The following TMEM123 variants were observed in gnomAD, a reference collection of about 807,000 sequenced individuals.
TMEM123 encodes porimin.
A neutral mutation model predicts 19.7 loss-of-function variants in TMEM123; 16 were observed. The ratio of observed to expected loss-of-function variants is 0.81; its 90% CI spans 0.55 to 1.23. TMEM123 has a LOEUF of 1.23. Ranked by LOEUF, TMEM123 falls within the 50% of genes most tolerant of loss-of-function variation. The pLI, the probability that TMEM123 is intolerant of heterozygous loss-of-function variation, is 0.00. For synonymous variants in TMEM123, 118 were observed against 99.4 expected, an observed-to-expected ratio of 1.19 and a Z score of -1.12; for missense variants, 313 against 257.8, an observed-to-expected ratio of 1.21 and a Z score of -1.47.
Position 102,440,720 on chromosome 11 carries a change from G to T in TMEM123, c.157+8092C>A, listed in dbSNP as rs187514697. Among the ~76,000 whole-genome samples, 17 of 152,258 alleles carry T rather than the reference G, an allele frequency of 1.1e-4. 1 individual carries two copies. In the East Asian group the frequency reaches 3.3e-3, roughly 29 times the overall value. On this transcript the variant is annotated intron_variant, in intron 2 of 4. Coordinates refer to ENST00000398136, the MANE Select transcript of TMEM123 (RefSeq NM_052932.3). ...ACAATATTAACCTTAAATGTAAATG[G>T]GGTAAATGCTCCAATTAAAACACAG...
At chr11:102,448,525 C>A (rs1857906716) in intron 2 of TMEM123, 3 of 369,420 alleles carry the variant, frequency 8.1e-6, no homozygotes, top group South Asian at 4.9e-5. Flanking sequence ...AACTACAAAA[C>A]CCTCACATCT....
chr11:102,400,363 T>G (rs917908209), intron 4 of TMEM123, among the ~76,000 whole-genome samples: 1 of 152,250 alleles, frequency 6.6e-6, no homozygotes, highest in African/African-American at 2.4e-5. Flanking sequence ...AAAATCATAA[T>G]GTATATCAAT....
chr11:102,440,543 A>G (rs976493261), intron 2 of TMEM123, among the ~76,000 whole-genome samples: 8 of 152,186 alleles, frequency 5.3e-5, no homozygotes, highest in African/African-American at 1.9e-4. Context: ...AAGAGCTCCT[A>G]AAGGAAGCAC....
At chr11:102,432,333 A>C (rs1328749308) in intron 2 of TMEM123, among the ~76,000 whole-genome samples, 1 of 152,194 alleles carries the variant, frequency 6.6e-6, no homozygotes, top group Non-Finnish European at 1.5e-5. Context: ...ATGGACAATG[A>C]AGTCCAGGCT....
intron 2 of TMEM123, among the ~76,000 whole-genome samples, chr11:102,406,260 G>A (rs1387274891): frequency 6.6e-6 from 1 of 152,182 alleles, no homozygotes; most frequent in East Asian, 1.9e-4. Context: ...TCAGTGTGCA[G>A]GGTGTCCACT....
chr11:102,415,685 G>A (rs1159913847), intron 2 of TMEM123, among the ~76,000 whole-genome samples: 1 of 152,240 alleles, frequency 6.6e-6, no homozygotes, highest in African/African-American at 2.4e-5. Flanking sequence ...AGTGTTAAGA[G>A]GAAAGTTTAC....
At chr11:102,445,064 T>G (rs1036148801) in intron 2 of TMEM123, among the ~76,000 whole-genome samples, 4 of 151,988 alleles carry the variant, frequency 2.6e-5, no homozygotes, top group African/African-American at 9.7e-5. Flanking sequence ...AGATAATACC[T>G]AATGTAAATG....
chr11:102,427,992 C>T (rs1014423703), intron 2 of TMEM123, among the ~76,000 whole-genome samples: 1 of 152,094 alleles, frequency 6.6e-6, no homozygotes, highest in African/African-American at 2.4e-5. Flanking sequence ...AGACACTCTT[C>T]CTCAATGAGG....
chr11:102,430,821 G>A (rs1486696974), intron 2 of TMEM123, among the ~76,000 whole-genome samples: 1 of 152,200 alleles, frequency 6.6e-6, no homozygotes, highest in Non-Finnish European at 1.5e-5. Context: ...TGAGAAGGCA[G>A]AGATTAAGTA....
chr11:102,419,531 A>C (rs1305205888), intron 2 of TMEM123, among the ~76,000 whole-genome samples: 2 of 152,186 alleles, frequency 1.3e-5, no homozygotes, highest in Non-Finnish European at 2.9e-5. Context: ...TCCCCAGGGC[A>C]ACTGCGTGTC....
chr11:102,408,712 G>A (rs1321476393), intron 2 of TMEM123, among the ~76,000 whole-genome samples: 1 of 152,210 alleles, frequency 6.6e-6, no homozygotes, highest in East Asian at 1.9e-4. Context: ...TGAGGAGTAG[G>A]CACTGTGAGA....
In TMEM123 at chr11:102,402,098, A is replaced by G. The variant is rs1488309439; in HGVS notation, c.266T>C (p.Met89Thr). 1.9e-5 allele frequency: 31 copies of G among 1,614,144 alleles called. No homozygotes were observed. Among genetic ancestry groups the G allele is most frequent in the Non-Finnish European group, 2.5e-5 (29 of 1,180,026 alleles). ...TGTATTAGATGCCGCTGTAGGTTTC[A>G]TGGTGGTGACCGTTGTATTACTGGA... ...SDSSNTTVTT[M>T]KPTAASNTTT... Residue 89 changes from methionine to threonine, a missense_variant, in exon 3 of 5, where the codon ATG becomes ACG. Coordinates refer to ENST00000398136, the MANE Select transcript of TMEM123 (RefSeq NM_052932.3).
At position 102,452,674 on chromosome 11, in the gene TMEM123, G is replaced by A. The variant is rs1213845303; in HGVS notation, c.-51C>T. 1.5e-6 allele frequency: 2 copies of A among 1,361,308 alleles called. No individual in the cohort carries two copies. Among genetic ancestry groups the A allele is most frequent in the Admixed American group, 2.8e-5 (1 of 35,240 alleles). 84.3% of individuals were successfully genotyped at this position (1,361,308 alleles called of 1,614,324 possible). On this transcript the variant is annotated 5_prime_UTR_variant, in exon 1 of 5. Coordinates refer to ENST00000398136, the MANE Select transcript of TMEM123 (RefSeq NM_052932.3). ...CTCGTGGGCTCCCAGCCGAGGTGGC[G>A]GCGGCGAGAGCGGCTCCTCTGCGCA...
chr11:102,397,192 T>C lies in TMEM123; in HGVS notation c.*1675A>G, dbSNP rs1951865010. 1 of 152,224 alleles carries C rather than the reference T, an allele frequency of 6.6e-6. No homozygotes were observed. The highest frequency in any genetic ancestry group is 1.5e-5 in the Non-Finnish European group (1 of 68,034). 9.4% of individuals were successfully genotyped at this position (152,224 alleles called of 1,614,324 possible). On this transcript the variant is annotated 3_prime_UTR_variant, in exon 5 of 5. Transcript: ENST00000398136. ...ATATCCATATTTTGGATCATTTTTTTCTATATTCATCAGATTATTGGTTAA... is the reference window on the plus strand; with the variant it reads ...ATATCCATATTTTGGATCATTTTTTCCTATATTCATCAGATTATTGGTTAA...
intron 2 of TMEM123, among the ~76,000 whole-genome samples, chr11:102,443,183 T>C (rs1857845379): frequency 6.6e-6 from 1 of 152,146 alleles, no homozygotes; most frequent in African/African-American, 2.4e-5. Flanking sequence ...CTTCACAGAA[T>C]TGGAAAAAAC....
At chr11:102,435,614 A>T (rs544167665) in intron 2 of TMEM123, among the ~76,000 whole-genome samples, 1 of 151,992 alleles carries the variant, frequency 6.6e-6, no homozygotes, top group East Asian at 1.9e-4. Flanking sequence ...TGTCCACGCA[A>T]AAGTGTTTAC....
intron 2 of TMEM123, among the ~76,000 whole-genome samples, chr11:102,412,573 T>C (rs922356888): frequency 1.3e-5 from 2 of 152,102 alleles, no homozygotes; most frequent in Non-Finnish European, 2.9e-5. Context: ...AAAGAAATTT[T>C]ACAATACAAC....
At chr11:102,427,609 C>T (rs1324567109) in intron 2 of TMEM123, among the ~76,000 whole-genome samples, 1 of 150,880 alleles carries the variant, frequency 6.6e-6, no homozygotes, top group East Asian at 2.0e-4. Context: ...GAGGCTGAGG[C>T]AGGTGGATCA....
intron 2 of TMEM123, among the ~76,000 whole-genome samples, chr11:102,439,485 G>C (rs548827173): frequency 6.6e-6 from 1 of 152,298 alleles, no homozygotes; most frequent in South Asian, 2.1e-4. Flanking sequence ...TGAGGGTCCT[G>C]ACTGTTAGAA....
Sources: gnomAD v4.1 joint callset for allele counts (sites outside exome capture counted in the v4.1 genomes callset) on GRCh38, gnomAD v4.1.1 for gene constraint, MANE v1.5 for transcripts, NCBI Gene and HGNC (gene_info 2026-07-23, HGNC 2026-07-21) for gene names.